The following GDF3 variants were observed in gnomAD, a reference collection of about 807,000 sequenced individuals.
The protein encoded by GDF3 is growth differentiation factor 3.
Under a neutral mutation model 10.2 loss-of-function variants are expected in GDF3, and 10 were observed. That is an observed-to-expected ratio of 0.98 (90% confidence interval 0.60 to 1.66). GDF3 has a LOEUF of 1.66. Ranked by LOEUF, GDF3 falls within the 40% of genes most tolerant of loss-of-function variation. The pLI, the probability that GDF3 is intolerant of heterozygous loss-of-function variation, is 0.00. For synonymous variants in GDF3, 166 were observed against 178.5 expected (o/e 0.93, Z 0.56); for missense variants, 450 against 438.3 (o/e 1.03, Z -0.24).
intron 1 of GDF3, among the ~76,000 whole-genome samples, chr12:7,694,453 A>G (rs1395769859): frequency 6.6e-6 from 1 of 151,768 alleles, no homozygotes; most frequent in Non-Finnish European, 1.5e-5. Flanking sequence ...ACACGCCTGT[A>G]ATCCCAGCTA....
chr12:7,690,016 G>A lies in GDF3; in HGVS notation c.957C>T (p.Ala319=), dbSNP rs781716089. 12 of 1,613,626 alleles carry A rather than the reference G, an allele frequency of 7.4e-6. No individual in the cohort carries two copies. The East Asian group carries it at 1.3e-4, about 18-fold the overall frequency. The change falls in exon 2 of 2, where the codon GCC becomes GCT. Residue 319 remains alanine (A), a synonymous_variant. Transcript: ENST00000329913. ...CAGCCTGGGGGATCTCTGGGTCAAC[G>A]GCATGCATCAGGGCTTGCATGAAAG... The part of the protein sequence containing the change: ...NYAFMQALMH[A]VDPEIPQAVC...
At position 7,695,577 on chromosome 12, in the gene GDF3, A is replaced by C. The variant is rs146378324; in HGVS notation, c.152T>G (p.Leu51Trp). 6.2e-7 allele frequency: 1 copy of C among 1,614,032 alleles called. No homozygotes were observed. ...PQKFQPVPYI[L>W]KKIFQDREAA... Reference sequence around the variant, plus strand: ...CTCGCGATCCTGGAAAATTTTCTTCAAGATATAAGGCACAGGTTGGAACTT... The same window carrying C: ...CTCGCGATCCTGGAAAATTTTCTTCCAGATATAAGGCACAGGTTGGAACTT... The change falls in exon 1 of 2, where the codon TTG (leucine) becomes TGG (tryptophan). Residue 51 changes from leucine (L) to tryptophan (W), a missense_variant. By Grantham distance (61) the Leu-to-Trp change is moderately conservative. Coordinates refer to ENST00000329913, the MANE Select transcript of GDF3 (RefSeq NM_020634.3).
chr12:7,692,509 A>C (rs867697369), intron 1 of GDF3, among the ~76,000 whole-genome samples: 11 of 135,706 alleles, frequency 8.1e-5, no homozygotes, highest in African/African-American at 3.0e-4. Context: ...ATTGGCTTTA[A>C]TTTTTTTTTT....
At chr12:7,690,773 A>AT in intron 1 of GDF3, 69 bp from the exon 2 acceptor site, 2 of 883,542 alleles carry the variant, frequency 2.3e-6, no homozygotes, top group Non-Finnish European at 3.8e-6. Context: ...ATATAATAGA[A>AT]ATGCCAGACA....
intron 1 of GDF3, among the ~76,000 whole-genome samples, chr12:7,693,239 G>A (rs1328115317): frequency 6.6e-6 from 1 of 151,846 alleles, no homozygotes; most frequent in African/African-American, 2.4e-5. Flanking sequence ...GTCTTGCTCT[G>A]TCACCCAGGC....
intron 1 of GDF3, among the ~76,000 whole-genome samples, chr12:7,692,164 T>C (rs1238323574): frequency 2.0e-5 from 3 of 152,088 alleles, no homozygotes; most frequent in Non-Finnish European, 4.4e-5. Context: ...CGGGACATGG[T>C]GGCTCACACC....
In GDF3 at chr12:7,690,148, G is replaced by A; in HGVS notation, c.825C>T (p.Asp275=). The part of the protein sequence containing the change: ...HRHQLFINFR[D]LGWHKWIIAP... ...CAATGATCCACTTGTGCCAACCCAG[G>A]TCCCGGAAGTTAATGAATAGCTGGT... The change falls in exon 2 of 2, where the codon GAC becomes GAT. Residue 275 remains aspartate, a synonymous_variant. Coordinates refer to ENST00000329913, the MANE Select transcript of GDF3 (RefSeq NM_020634.3). The A allele has an allele frequency of 6.2e-7, 1 of 1,614,158 alleles. No homozygotes were observed. Among genetic ancestry groups the A allele is most frequent in the Non-Finnish European group, 8.5e-7 (1 of 1,180,036 alleles).
In GDF3 at chr12:7,695,713, G is replaced by T. The variant is rs771904963; in HGVS notation, c.16C>A (p.Pro6Thr). 3.7e-6 allele frequency: 6 copies of T among 1,614,138 alleles called. No individual in the cohort carries two copies. The highest frequency in any genetic ancestry group is 1.3e-5 in the African/African-American group (1 of 75,056). MLRFL[P>T]DLAFSFLLIL... is the part of the protein sequence containing the mutation. ...AACAGGAAGCTGAAAGCCAAATCTGGCAAGAAACGAAGCATGGCCTCTGGA... is the reference window on the plus strand; with the variant it reads ...AACAGGAAGCTGAAAGCCAAATCTGTCAAGAAACGAAGCATGGCCTCTGGA... The change falls in exon 1 of 2, where the codon CCA (proline) becomes ACA (threonine). Residue 6 changes from proline to threonine, a missense_variant. Pro to Thr is a conservative substitution (Grantham distance 38). Coordinates refer to ENST00000329913, the MANE Select transcript of GDF3 (RefSeq NM_020634.3).
chr12:7,695,098 AT>A (rs1156430304), intron 1 of GDF3, among the ~76,000 whole-genome samples: 1 of 152,112 alleles, frequency 6.6e-6, no homozygotes, highest in Non-Finnish European at 1.5e-5. Flanking sequence ...ATGTGTATAT[AT>A]GGGCTGCAGG....
intron 1 of GDF3, among the ~76,000 whole-genome samples, chr12:7,694,807 G>C (rs1317957983): frequency 1.3e-5 from 2 of 152,046 alleles, no homozygotes; most frequent in Non-Finnish European, 2.9e-5. Flanking sequence ...GAATTGGGTG[G>C]GGAGAACTAG....
At chr12:7,693,349 C>T (rs966160626) in intron 1 of GDF3, among the ~76,000 whole-genome samples, 3 of 149,982 alleles carry the variant, frequency 2.0e-5, no homozygotes, top group Non-Finnish European at 3.0e-5. Flanking sequence ...GAATTACAGG[C>T]GCCCGCCACC....
chr12:7,695,329 T>C, intron 1 of GDF3, 132 bp downstream of exon 1: 6 of 920,480 alleles, frequency 6.5e-6, no homozygotes, highest in Non-Finnish European at 1.0e-5. Context: ...GGATCGTGGC[T>C]GGAATTAAAT....
intron 1 of GDF3, among the ~76,000 whole-genome samples, chr12:7,692,043 T>A (rs7296243): frequency 0.04 from 6,066 of 151,964 alleles, 150 homozygotes; most frequent in Non-Finnish European, 0.062. Context: ...AAAAAAGTTT[T>A]AAAAAAATTT....
In GDF3 at chr12:7,695,656, GA is replaced by G; in HGVS notation, c.72del (p.Gln25LysfsTer11). 1 of 1,614,156 alleles carries G rather than the reference GA, an allele frequency of 6.2e-7. No individual in the cohort carries two copies. The highest frequency in any genetic ancestry group is 8.5e-7 in the Non-Finnish European group (1 of 1,179,990). ...LILALGQAVQ[F>X]QEYVFLQFLG... ...AGAAATTGGAGAAAGACATATTCTTGAAATTGGACTGCCTGGCCCAAAGCCA... is the reference window on the plus strand; with the variant it reads ...AGAAATTGGAGAAAGACATATTCTTGAATTGGACTGCCTGGCCCAAAGCCA... On this transcript the variant is annotated frameshift_variant, in exon 1 of 2. Coordinates refer to ENST00000329913, the MANE Select transcript of GDF3 (RefSeq NM_020634.3). LOFTEE classifies it high-confidence loss of function.
At position 7,690,449 on chromosome 12, in the gene GDF3, G is replaced by A. The variant is rs1172215670; in HGVS notation, c.524C>T (p.Pro175Leu). The A allele has an allele frequency of 1.3e-5, 21 of 1,613,936 alleles. No homozygotes were observed. Among genetic ancestry groups the A allele is most frequent in the Admixed American group, 5.0e-5 (3 of 59,976 alleles). Residue 175 changes from proline (P) to leucine (L), a missense_variant, in exon 2 of 2, where the codon CCA becomes CTA. Physicochemically the swap from Pro to Leu is moderately conservative, Grantham distance 98 (BLOSUM62 -3). Coordinates refer to ENST00000329913, the MANE Select transcript of GDF3 (RefSeq NM_020634.3). Reference protein sequence around the residue: ...KMFVLRSVPWPQGAVHFNLLD... With the variant: ...KMFVLRSVPWLQGAVHFNLLD... ...CAGGTTGAAGTGAACAGCACCTTGT[G>A]GCCATGGGACTGACCGCAACACAAA...
At position 7,690,101 on chromosome 12, in the gene GDF3, T is replaced by C. The variant is rs1864109498; in HGVS notation, c.872A>G (p.Asn291Ser). The C allele has an allele frequency of 6.2e-7, 1 of 1,613,868 alleles. No individual in the cohort carries two copies. Among genetic ancestry groups the C allele is most frequent in the African/African-American group, 1.3e-5 (1 of 75,006 alleles). ...GAAGGGACACTCTCCATGGCAGTAA[T>C]TTGCCATGAACCCCTTGGGGGCAAT... ...WIIAPKGFMA[N>S]YCHGECPFSL... Residue 291 changes from asparagine to serine, a missense_variant, in exon 2 of 2, where the codon AAT becomes AGT. Coordinates refer to ENST00000329913, the MANE Select transcript of GDF3 (RefSeq NM_020634.3).
intron 1 of GDF3, among the ~76,000 whole-genome samples, chr12:7,694,241 A>G (rs1245670833): frequency 6.6e-6 from 1 of 151,886 alleles, no homozygotes; most frequent in Admixed American, 6.6e-5. Context: ...TACGTGGAGG[A>G]GCAGTACGAC....
At chr12:7,695,391 C>A in intron 1 of GDF3, 70 bp downstream of exon 1, 1 of 1,392,408 alleles carries the variant, frequency 7.2e-7, no homozygotes, top group South Asian at 1.2e-5. Context: ...TTGTCATTTC[C>A]TATTGTCCTT....
chr12:7,693,221 G>A lies in GDF3; in HGVS notation c.268+2240C>T, dbSNP rs945308411. On this transcript the variant is annotated intron_variant, in intron 1 of 1. Transcript: ENST00000329913. Reference sequence around the variant, plus strand: ...GTATTTTCTCTCTTTTTCTTTCCCCGAGATGGAGTCTTGCTCTGTCACCCA... The same window carrying A: ...GTATTTTCTCTCTTTTTCTTTCCCCAAGATGGAGTCTTGCTCTGTCACCCA... Among the ~76,000 whole-genome samples the A allele has an allele frequency of 9.9e-4, 150 of 151,760 alleles. 1 individual carries two copies. Among genetic ancestry groups the A allele is most frequent in the African/African-American group, 3.4e-3 (141 of 41,388 alleles).
Sources: allele counts gnomAD v4.1 joint callset (sites outside exome capture counted in the v4.1 genomes callset), GRCh38; gene constraint gnomAD v4.1.1; transcripts MANE v1.5; gene names NCBI Gene and HGNC (gene_info 2026-07-23, HGNC 2026-07-21).